The following RASA1 variants were observed in gnomAD, a reference collection of about 807,000 sequenced individuals.
The protein encoded by RASA1 is ras GTPase-activating protein 1.
In RASA1, 25 loss-of-function variants were observed where a neutral mutation model predicts 132.2. The observed-to-expected ratio is 0.19, with a 90% CI of 0.14 to 0.26. RASA1 has a LOEUF of 0.26. Ranked by LOEUF, RASA1 falls within the 10% of genes least tolerant of loss-of-function variation. RASA1 has a pLI of 1.00. For missense variants in RASA1, 964 were observed against 1,299.2 expected (o/e 0.74, Z 3.97); for synonymous variants, 477 against 449.9 (o/e 1.06, Z -0.76).
At position 87,352,916 on chromosome 5, in the gene RASA1, G is replaced by A. The variant is rs746893103; in HGVS notation, c.1254-241G>A. On this transcript the variant is annotated intron_variant, in intron 8 of 24. Coordinates refer to ENST00000274376, the MANE Select transcript of RASA1 (RefSeq NM_002890.3). ...GTATTGTTGACCTGGCTGCCCACTT[G>A]ATGGGTATGGAAAATCAGAATCTGG... 4.0e-5 allele frequency among the ~76,000 whole-genome samples: 6 copies of A among 151,814 alleles called. No homozygotes were observed. In the East Asian group the frequency reaches 1.2e-3, roughly 29 times the overall value.
intron 10 of RASA1, among the ~76,000 whole-genome samples, 173 bp downstream of exon 10, chr5:87,362,844 AG>A (rs974652266): frequency 4.0e-5 from 6 of 151,782 alleles, no homozygotes; most frequent in African/African-American, 1.4e-4. Flanking sequence ...GTATATTAAA[AG>A]TCTACATTTT....
intron 1 of RASA1, among the ~76,000 whole-genome samples, chr5:87,320,008 AC>A (rs1561278426): frequency 4.6e-5 from 7 of 152,142 alleles, no homozygotes; most frequent in Non-Finnish European, 1.0e-4. Context: ...TCTGCCAGGT[AC>A]CCTAAATCAT....
intron 1 of RASA1, among the ~76,000 whole-genome samples, chr5:87,323,318 T>TA (rs1008408461): frequency 2.6e-5 from 4 of 152,120 alleles, no homozygotes; most frequent in Non-Finnish European, 5.9e-5. Flanking sequence ...AATAGGAGCT[T>TA]AAAAAAATCT....
At position 87,270,513 on chromosome 5, in the gene RASA1, A is replaced by T. The variant is rs146597248; in HGVS notation, c.539+1523A>T. Among the ~76,000 whole-genome samples the T allele has an allele frequency of 4.2e-3, 639 of 151,176 alleles. 4 individuals are homozygous for T. Among genetic ancestry groups the T allele is most frequent in the Middle Eastern group, 0.017 (5 of 294 alleles). ...CAGGCGCATGCCACCATGTCTGGCTAATTTTTGTATTTTTAATAGAGACGA... is the reference window on the plus strand; with the variant it reads ...CAGGCGCATGCCACCATGTCTGGCTTATTTTTGTATTTTTAATAGAGACGA... On this transcript the variant is annotated intron_variant, in intron 1 of 24. Transcript: ENST00000274376.
chr5:87,383,844 A>C, intron 21 of RASA1, 64 bp downstream of exon 21: 1 of 1,372,968 alleles, frequency 7.3e-7, no homozygotes, highest in Non-Finnish European at 1.0e-6. Flanking sequence ...ATACTATTTA[A>C]GAATACTCTT....
chr5:87,284,930 C>T (rs990632478), intron 1 of RASA1, among the ~76,000 whole-genome samples: 1 of 151,898 alleles, frequency 6.6e-6, no homozygotes, highest in African/African-American at 2.4e-5. Flanking sequence ...TTTGTTTTGA[C>T]ATTGTTTTTT....
chr5:87,386,154 A>T (rs1319066153), intron 22 of RASA1, among the ~76,000 whole-genome samples: 1 of 151,770 alleles, frequency 6.6e-6, no homozygotes, highest in Non-Finnish European at 1.5e-5. Context: ...TTTGTGTTTC[A>T]TTATTTTATT....
chr5:87,310,618 C>T (rs1339749959), intron 1 of RASA1, among the ~76,000 whole-genome samples: 1 of 152,108 alleles, frequency 6.6e-6, no homozygotes, highest in South Asian at 2.1e-4. Context: ...TAAGATTGTT[C>T]AAGAAAGTGG....
Position 87,268,130 on chromosome 5 carries a change from TC to T in RASA1, c.-321del. 1 of 424,284 alleles carries T rather than the reference TC, an allele frequency of 2.4e-6. No homozygotes were observed. The highest frequency in any genetic ancestry group is 4.2e-6 in the Non-Finnish European group (1 of 240,724). 26.3% of individuals were successfully genotyped at this position (424,284 alleles called of 1,614,324 possible). On this transcript the variant is annotated 5_prime_UTR_variant, in exon 1 of 25. Transcript: ENST00000274376. ...GCCTCTTTCCCTGTGCTTCCTTTCC[TC>T]TTTAGTGCAGCGAGGAAGTTTTCGC...
chr5:87,314,630 C>T (rs1334189538), intron 1 of RASA1, among the ~76,000 whole-genome samples: 2 of 151,886 alleles, frequency 1.3e-5, no homozygotes, highest in Non-Finnish European at 2.9e-5. Flanking sequence ...ATAGATGGTT[C>T]AGCTCATAGC....
chr5:87,353,540 C>A (rs1284496252), intron 9 of RASA1, among the ~76,000 whole-genome samples: 2 of 151,740 alleles, frequency 1.3e-5, no homozygotes, highest in Non-Finnish European at 2.9e-5. Flanking sequence ...AAACCACAGC[C>A]AGGATTATTA....
chr5:87,315,498 G>T (rs1046386420), intron 1 of RASA1, among the ~76,000 whole-genome samples: 1 of 152,204 alleles, frequency 6.6e-6, no homozygotes, highest in African/African-American at 2.4e-5. Context: ...TGAATTTGGG[G>T]ATTAAGTTTC....
At chr5:87,352,331 T>C (rs960433923) in intron 8 of RASA1, among the ~76,000 whole-genome samples, 4 of 151,006 alleles carry the variant, frequency 2.6e-5, no homozygotes, top group Non-Finnish European at 5.9e-5. Flanking sequence ...TATATTCTAA[T>C]TATATATATA....
intron 1 of RASA1, among the ~76,000 whole-genome samples, chr5:87,324,594 T>G (rs1757078079): frequency 6.6e-6 from 1 of 152,180 alleles, no homozygotes; most frequent in Non-Finnish European, 1.5e-5. Flanking sequence ...GAAACAGCAT[T>G]TCTGCCCTTA....
At chr5:87,281,243 C>CTT (rs1162398873) in intron 1 of RASA1, among the ~76,000 whole-genome samples, 3 of 140,302 alleles carry the variant, frequency 2.1e-5, no homozygotes, top group East Asian at 2.1e-4. Context: ...CTTGCCAACA[C>CTT]TTTTTTTTTT....
At chr5:87,372,434 C>T (rs993319218) in intron 13 of RASA1, among the ~76,000 whole-genome samples, 9 of 152,052 alleles carry the variant, frequency 5.9e-5, no homozygotes, top group African/African-American at 2.2e-4. Flanking sequence ...AACACTAAAC[C>T]AACACAGCAG....
At position 87,391,100 on chromosome 5, in the gene RASA1, G is replaced by T. The variant is rs1762480924; in HGVS notation, c.*217G>T. 3.2e-6 allele frequency: 2 copies of T among 625,788 alleles called. No individual in the cohort carries two copies. Among genetic ancestry groups the T allele is most frequent in the Admixed American group, 2.6e-5 (1 of 38,962 alleles). 38.8% of individuals were successfully genotyped at this position (625,788 alleles called of 1,614,324 possible). A position where few individuals can be genotyped will look rare whatever the true frequency, so the allele number is the denominator to read the frequency against. On this transcript the variant is annotated 3_prime_UTR_variant, in exon 25 of 25. Coordinates refer to ENST00000274376, the MANE Select transcript of RASA1 (RefSeq NM_002890.3). ...CAGGATATTTGCACTATTTCCACAT[G>T]GAATCAATCTTTAACAACCTCTGAG...
chr5:87,390,711 T>A, intron 24 of RASA1, 89 bp from the exon 25 acceptor site: 1 of 1,063,610 alleles, frequency 9.4e-7, no homozygotes. Context: ...TCCTTTTGCT[T>A]TGATACAGTT....
intron 1 of RASA1, among the ~76,000 whole-genome samples, chr5:87,290,727 G>C (rs1754878225): frequency 6.6e-6 from 1 of 152,178 alleles, no homozygotes; most frequent in Non-Finnish European, 1.5e-5. Flanking sequence ...ATGTTGTATA[G>C]ATGGAATTGT....
Sources: allele counts gnomAD v4.1 joint callset (sites outside exome capture counted in the v4.1 genomes callset), GRCh38; gene constraint gnomAD v4.1.1; transcripts MANE v1.5; gene names NCBI Gene and HGNC (gene_info 2026-07-23, HGNC 2026-07-21).